SLC6A3: variants seen among roughly 807,000 people sequenced by gnomAD.
The protein encoded by SLC6A3 is solute carrier family 6 member 3.
A neutral mutation model predicts 70.4 loss-of-function variants in SLC6A3; 19 were observed. That is an observed-to-expected ratio of 0.27 (90% confidence interval 0.19 to 0.40). The LOEUF is 0.40. Ranked by LOEUF, SLC6A3 falls within the 10% of genes least tolerant of loss-of-function variation. The pLI is 1.00. For synonymous variants in SLC6A3, 368 were observed against 356.6 expected (o/e 1.03, Z -0.36); for missense variants, 613 against 838.5 (o/e 0.73, Z 3.32).
In SLC6A3 at chr5:1,442,263, C is replaced by T. The variant is rs1256199776; in HGVS notation, c.286+649G>A. On this transcript the variant is annotated intron_variant, in intron 2 of 14. Coordinates refer to ENST00000270349, the MANE Select transcript of SLC6A3 (RefSeq NM_001044.5). This position sits in a 1 kb window ranked among gnomAD's most constrained non-coding sequence, Gnocchi z 5.0. ...AAGATGGGCATAAAAATGCCAGCCT[C>T]CTCGCAGGCATCCTGTGAGGCTTCC... is the stretch of plus-strand genomic sequence containing the variant. 6.6e-6 allele frequency among the ~76,000 whole-genome samples: 1 copy of T among 152,214 alleles called. No individual in the cohort carries two copies. The highest frequency in any genetic ancestry group is 1.9e-4 in the East Asian group (1 of 5,186).
rs967743006 is a variant in SLC6A3 at position 1,406,425 on chromosome 5, G to C, written c.1499-137C>G. ...CTTCGGCTGCACCCAGCCTCCTGCA[G>C]AGGAGGCCAGGCCACACCCCAGCCC... On this transcript the variant is annotated intron_variant, in intron 11 of 14. Transcript: ENST00000270349. This position sits in a 1 kb window ranked among gnomAD's most constrained non-coding sequence, Gnocchi z 8.8. 1 of 758,980 alleles carries C rather than the reference G, an allele frequency of 1.3e-6. No homozygotes were observed. The highest frequency in any genetic ancestry group is 2.0e-5 in the Admixed American group (1 of 50,654). 47.0% of individuals were successfully genotyped at this position (758,980 alleles called of 1,614,324 possible).
rs1035369952 is a variant in SLC6A3, at chr5:1,408,377, G to A, written c.1498+649C>T. Among the ~76,000 whole-genome samples the A allele has an allele frequency of 1.3e-5, 2 of 151,938 alleles. No individual in the cohort carries two copies. The highest frequency in any genetic ancestry group is 2.9e-5 in the Non-Finnish European group (2 of 67,990). On this transcript the variant is annotated intron_variant, in intron 11 of 14. Transcript: ENST00000270349. The surrounding 1 kb of genome is among the most constrained non-coding windows in gnomAD (Gnocchi z 6.4). ...TGGCGAGATGCCCTGGCTCGGCCTC[G>A]CCACTTCCCTGGAAGTGAGCTGGCC...
rs367928207 is a variant in SLC6A3 at position 1,421,415 on chromosome 5, G to T, written c.792+461C>A. 6.6e-6 allele frequency among the ~76,000 whole-genome samples: 1 copy of T among 152,124 alleles called. No individual in the cohort carries two copies. Among genetic ancestry groups the T allele is most frequent in the African/African-American group, 2.4e-5 (1 of 41,422 alleles). On this transcript the variant is annotated intron_variant, in intron 5 of 14. Transcript: ENST00000270349. This position sits in a 1 kb window ranked among gnomAD's most constrained non-coding sequence, Gnocchi z 7.2. ...TGTTCTTGAACCCCTGACCTCAGGT[G>T]ATCTGCCCGTCTCAGCCTCCCAAAG... is the stretch of plus-strand genomic sequence containing the variant.
In SLC6A3 at chr5:1,437,009, T is replaced by C. The variant is rs1421703066; in HGVS notation, c.419-4311A>G. Among the ~76,000 whole-genome samples the C allele has an allele frequency of 6.6e-6, 1 of 152,090 alleles. No individual in the cohort carries two copies. The highest frequency in any genetic ancestry group is 1.9e-4 in the East Asian group (1 of 5,188). ...GCTCACTCCTGTAATCCCAGCACTT[T>C]GGGAGGCCAAGGCAGGCGGATCATG... On this transcript the variant is annotated intron_variant, in intron 3 of 14. Coordinates refer to ENST00000270349, the MANE Select transcript of SLC6A3 (RefSeq NM_001044.5). This position sits in a 1 kb window ranked among gnomAD's most constrained non-coding sequence, Gnocchi z 4.8.
At position 1,437,810 on chromosome 5, in the gene SLC6A3, G is replaced by T. The variant is rs535585407; in HGVS notation, c.418+3549C>A. Among the ~76,000 whole-genome samples the T allele has an allele frequency of 6.6e-6, 1 of 152,380 alleles. No homozygotes were observed. Among genetic ancestry groups the T allele is most frequent in the South Asian group, 2.1e-4 (1 of 4,830 alleles). On this transcript the variant is annotated intron_variant, in intron 3 of 14. Coordinates refer to ENST00000270349, the MANE Select transcript of SLC6A3 (RefSeq NM_001044.5). The surrounding 1 kb of genome is among the most constrained non-coding windows in gnomAD (Gnocchi z 4.8). ...CCCATGGAATTGCCACCTGCTCAGG[G>T]CTGGATGGCCTTTTAGCTCCACAAT... is the stretch of plus-strand genomic sequence containing the variant.
intron 6 of SLC6A3, among the ~76,000 whole-genome samples, chr5:1,417,870 TC>T (rs1192068345): frequency 1.3e-5 from 2 of 152,176 alleles, no homozygotes; most frequent in African/African-American, 2.4e-5. Flanking sequence ...TCTCAGGGCA[TC>T]CCAGGTCCCA....
chr5:1,407,115 T>G (rs536825229), intron 11 of SLC6A3, among the ~76,000 whole-genome samples: 1 of 152,374 alleles, frequency 6.6e-6, no homozygotes, highest in African/African-American at 2.4e-5. Context: ...CATATTTTTC[T>G]TTCACTGGTA....
At chr5:1,445,321 C>G (rs1308072435) in intron 1 of SLC6A3, 27 bp downstream of exon 1, 1 of 153,356 alleles carries the variant, frequency 6.5e-6, no homozygotes, top group African/African-American at 2.4e-5. Flanking sequence ...CGGGGCGCCC[C>G]GATGCCGCGA....
In SLC6A3 at chr5:1,406,307, C is replaced by T; in HGVS notation, c.1499-19G>A. 3 of 1,582,888 alleles carry T rather than the reference C, an allele frequency of 1.9e-6. No individual in the cohort carries two copies. The highest frequency in any genetic ancestry group is 4.5e-5 in the East Asian group (2 of 44,742). Reference sequence around the variant, plus strand: ...CCAACACCTGAGGGAGAAGAGGTGGCATCAGTGTCCATCAGGGCAGCGCAT... The same window carrying T: ...CCAACACCTGAGGGAGAAGAGGTGGTATCAGTGTCCATCAGGGCAGCGCAT... On this transcript the variant is annotated intron_variant, in intron 11 of 14. Coordinates refer to ENST00000270349, the MANE Select transcript of SLC6A3 (RefSeq NM_001044.5). This position sits in a 1 kb window ranked among gnomAD's most constrained non-coding sequence, Gnocchi z 8.8.
At chr5:1,419,330 T>TCCAC (rs1449407215) in intron 6 of SLC6A3, among the ~76,000 whole-genome samples, 1 of 146,348 alleles carries the variant, frequency 6.8e-6, no homozygotes, top group Admixed American at 6.7e-5. Flanking sequence ...CATTCATCCA[T>TCCAC]CCATCCATCC....
At position 1,396,413 on chromosome 5, in the gene SLC6A3, AG is replaced by A. The variant is rs970055826; in HGVS notation, c.1840-1656del. ...TGGTCCCTGAGGGAAGCCAACAAGG[AG>A]GCCCCCCTGCCACCCTGCTCGCTGC... On this transcript the variant is annotated intron_variant, in intron 14 of 14. Coordinates refer to ENST00000270349, the MANE Select transcript of SLC6A3 (RefSeq NM_001044.5). The surrounding 1 kb of genome is among the most constrained non-coding windows in gnomAD (Gnocchi z 7.0). 6.8e-4 allele frequency among the ~76,000 whole-genome samples: 104 copies of A among 152,338 alleles called. 2 individuals are homozygous for A. Among genetic ancestry groups the A allele is most frequent in the African/African-American group, 2.5e-3 (102 of 41,588 alleles).
intron 6 of SLC6A3, among the ~76,000 whole-genome samples, chr5:1,417,997 A>G (rs1756347003): frequency 6.6e-6 from 1 of 152,222 alleles, no homozygotes; most frequent in Non-Finnish European, 1.5e-5. Context: ...TTCCTGGGAC[A>G]GTGTGTTTGG....
rs1203830589 is a variant in SLC6A3 at position 1,422,775 on chromosome 5, G to A, written c.654-761C>T. ...CTGCCCAAGGTGCTGGGTGCCCACC[G>A]CTGCCCACAGTGCTGCCCACGGTGC... On this transcript the variant is annotated intron_variant, in intron 4 of 14. Transcript: ENST00000270349. Among the ~76,000 whole-genome samples, 15 of 58,516 alleles carry A rather than the reference G, an allele frequency of 2.6e-4. 1 individual carries two copies. Among genetic ancestry groups the A allele is most frequent in the South Asian group, 8.9e-4 (1 of 1,128 alleles). The allele number at this position is 58,516 out of a possible 152,430, so 38.4% of individuals were successfully genotyped here.
At chr5:1,412,287 C>T (rs569946737) in intron 8 of SLC6A3, among the ~76,000 whole-genome samples, 6 of 152,310 alleles carry the variant, frequency 3.9e-5, no homozygotes, top group South Asian at 2.1e-4. Flanking sequence ...CACGGGGTCC[C>T]GCAGGCCATA....
rs955096075 is a variant in SLC6A3, at chr5:1,396,449, G to A, written c.1840-1691C>T. On this transcript the variant is annotated intron_variant, in intron 14 of 14. Coordinates refer to ENST00000270349, the MANE Select transcript of SLC6A3 (RefSeq NM_001044.5). This position sits in a 1 kb window ranked among gnomAD's most constrained non-coding sequence, Gnocchi z 7.0. ...CCACCCTGCTCGCTGCCTCGAGGGA[G>A]TTTCTAGATTGCAGCACAGGGAGGG... Among the ~76,000 whole-genome samples the A allele has an allele frequency of 6.6e-6, 1 of 152,220 alleles. No homozygotes were observed. The highest frequency in any genetic ancestry group is 1.5e-5 in the Non-Finnish European group (1 of 68,030).
intron 8 of SLC6A3, 80 bp downstream of exon 8, chr5:1,414,611 T>C: frequency 5.2e-6 from 8 of 1,543,406 alleles, no homozygotes; most frequent in Non-Finnish European, 7.0e-6. Context: ...TCCTTCCTCT[T>C]TCACAAGGAA....
chr5:1,443,320 G>A (rs545497492), intron 1 of SLC6A3, 78 bp from the exon 2 acceptor site: 41 of 1,146,252 alleles, frequency 3.6e-5, no homozygotes, highest in Admixed American at 1.7e-4. Context: ...TACCTGGTGC[G>A]GAGGGCAGAG....
Position 1,412,968 on chromosome 5 carries a change from G to A in SLC6A3, c.1157-1613C>T, listed in dbSNP as rs528571932. Among the ~76,000 whole-genome samples, 78 of 152,318 alleles carry A rather than the reference G, an allele frequency of 5.1e-4. 1 individual carries two copies. Among genetic ancestry groups the A allele is most frequent in the African/African-American group, 1.7e-3 (72 of 41,580 alleles). On this transcript the variant is annotated intron_variant, in intron 8 of 14. Transcript: ENST00000270349. ...CCGGGGCTTAGATGGTACCAGCCAG[G>A]AGCCTGGGAAGATATTCATCAGCTC...
In SLC6A3 at chr5:1,407,036, C is replaced by G. The variant is rs28363113; in HGVS notation, c.1499-748G>C. On this transcript the variant is annotated intron_variant, in intron 11 of 14. Transcript: ENST00000270349. ...TACCGTCACTGTGTCTTCAGAAAAGCTATTTCTAGAAACATAATAAACATT... is the reference window on the plus strand; with the variant it reads ...TACCGTCACTGTGTCTTCAGAAAAGGTATTTCTAGAAACATAATAAACATT... Among the ~76,000 whole-genome samples, 946 of 152,340 alleles carry G rather than the reference C, an allele frequency of 6.2e-3. 7 individuals carry two copies. The highest frequency in any genetic ancestry group is 0.022 in the African/African-American group (913 of 41,576).
Sources: allele counts gnomAD v4.1 joint callset (sites outside exome capture counted in the v4.1 genomes callset), GRCh38; gene constraint gnomAD v4.1.1; non-coding constraint Gnocchi (gnomAD v3.1); transcripts MANE v1.5; gene names NCBI Gene and HGNC (gene_info 2026-07-23, HGNC 2026-07-21).